The following SUFU variants were observed in gnomAD, a reference collection of about 807,000 sequenced individuals.
SUFU encodes SUFU negative regulator of hedgehog signaling.
A neutral mutation model predicts 58.9 loss-of-function variants in SUFU; 7 were observed. That is an observed-to-expected ratio of 0.12 (90% CI 0.07 to 0.22). The LOEUF is 0.22. Ranked by LOEUF, SUFU falls within the 10% of genes least tolerant of loss-of-function variation. The pLI, the probability that SUFU is intolerant of heterozygous loss-of-function variation, is 1.00. For missense variants in SUFU, 451 were observed against 641.3 expected (o/e 0.70, Z 3.20); for synonymous variants, 232 against 254.8 (o/e 0.91, Z 0.85).
At chr10:102,566,475 C>T (rs1359938009) in intron 3 of SUFU, among the ~76,000 whole-genome samples, 3 of 151,780 alleles carry the variant, frequency 2.0e-5, no homozygotes, top group Non-Finnish European at 2.9e-5. Flanking sequence ...ATTAAAAGTA[C>T]AAAAATTAGG....
rs983816890 is a variant in SUFU, at chr10:102,592,857, A to G, written c.597+133A>G. 1.3e-5 allele frequency: 13 copies of G among 1,037,094 alleles called. No individual in the cohort carries two copies. In the African/African-American group the frequency reaches 1.9e-4, roughly 15 times the overall value. The allele number at this position is 1,037,094 out of a possible 1,614,324, so 64.2% of individuals were successfully genotyped here. Reference sequence around the variant, plus strand: ...CTCGTCCTGATTTCTGTTTCCTCTGATGGTTTGTCAGGTAGATTCAGATGG... The same window carrying G: ...CTCGTCCTGATTTCTGTTTCCTCTGGTGGTTTGTCAGGTAGATTCAGATGG... On this transcript the variant is annotated intron_variant, in intron 4 of 11. Coordinates refer to ENST00000369902, the MANE Select transcript of SUFU (RefSeq NM_016169.4).
At chr10:102,620,434 A>C (rs557834848) in intron 10 of SUFU, among the ~76,000 whole-genome samples, 8 of 152,284 alleles carry the variant, frequency 5.3e-5, no homozygotes, top group African/African-American at 1.9e-4. Context: ...CAGACCCAGG[A>C]GAGTCAGGGC....
At position 102,617,603 on chromosome 10, in the gene SUFU, C is replaced by T. The variant is rs1270959016; in HGVS notation, c.1296+175C>T. 3 of 795,938 alleles carry T rather than the reference C, an allele frequency of 3.8e-6. No individual in the cohort carries two copies. The highest frequency in any genetic ancestry group is 6.1e-6 in the Non-Finnish European group (3 of 487,938). The allele number at this position is 795,938 out of a possible 1,614,324, so 49.3% of individuals were successfully genotyped here. A position where few individuals can be genotyped will look rare whatever the true frequency, so the allele number is the denominator to read the frequency against. On this transcript the variant is annotated intron_variant, in intron 10 of 11. Transcript: ENST00000369902. This position sits in a 1 kb window ranked among gnomAD's most constrained non-coding sequence, Gnocchi z 4.4. ...GGTATGGAGTGTGGATGCTGCTACC[C>T]ACTCCAGCAGCTTAGGAGCACTTCC... is the stretch of plus-strand genomic sequence containing the variant.
chr10:102,571,222 G>A (rs1254959646), intron 3 of SUFU, among the ~76,000 whole-genome samples: 1 of 152,194 alleles, frequency 6.6e-6, no homozygotes, highest in African/African-American at 2.4e-5. Flanking sequence ...CCTGATAGAA[G>A]AAAAATAGTC....
At position 102,568,893 on chromosome 10, in the gene SUFU, AAAAAATATAT is replaced by A. The variant is rs1231969330; in HGVS notation, c.454+18789_454+18798del. On this transcript the variant is annotated intron_variant, in intron 3 of 11. Coordinates refer to ENST00000369902, the MANE Select transcript of SUFU (RefSeq NM_016169.4). Reference sequence around the variant, plus strand: ...CTGTCTCAAAAAAAAAAAAAAAAAAAAAAAATATATATATATATATATATATACACATATA... The same window carrying A: ...CTGTCTCAAAAAAAAAAAAAAAAAAAATATATATATATATATACACATATA... Among the ~76,000 whole-genome samples the A allele has an allele frequency of 1.6e-3, 52 of 33,446 alleles. 3 individuals carry two copies. The highest frequency in any genetic ancestry group is 8.1e-3 in the African/African-American group (49 of 6,030). 21.9% of individuals were successfully genotyped at this position (33,446 alleles called of 152,430 possible).
chr10:102,503,514 AT>A (rs1374213865), upstream of SUFU, among the ~76,000 whole-genome samples: 2 of 152,006 alleles, frequency 1.3e-5, no homozygotes, highest in African/African-American at 4.8e-5. Flanking sequence ...AGCCCAGTGC[AT>A]TTTTTTCTCT....
At chr10:102,525,382 T>A (rs1344124553) in intron 2 of SUFU, among the ~76,000 whole-genome samples, 3 of 152,158 alleles carry the variant, frequency 2.0e-5, no homozygotes, top group Non-Finnish European at 4.4e-5. Context: ...AGTGCTGAGA[T>A]TATAAGCATG....
At chr10:102,520,732 T>C (rs1205273842) in intron 2 of SUFU, among the ~76,000 whole-genome samples, 1 of 152,254 alleles carries the variant, frequency 6.6e-6, no homozygotes, top group East Asian at 1.9e-4. Context: ...TATGTAACTT[T>C]TGCAGACTAG....
Position 102,526,188 on chromosome 10 carries a change from T to C in SUFU, c.317+16885T>C, listed in dbSNP as rs1304585295. 2.0e-5 allele frequency among the ~76,000 whole-genome samples: 3 copies of C among 152,200 alleles called. No homozygotes were observed. In the South Asian group the frequency reaches 6.2e-4, roughly 32 times the overall value. ...ACTCCTGTGCTGATCAGTAGTGGGA[T>C]TGTGCCTGTGAATAGCCACTGCACG... On this transcript the variant is annotated intron_variant, in intron 2 of 11. Transcript: ENST00000369902.
chr10:102,550,143 T>C lies in SUFU; in HGVS notation c.454+37T>C. On this transcript the variant is annotated intron_variant, in intron 3 of 11. Coordinates refer to ENST00000369902, the MANE Select transcript of SUFU (RefSeq NM_016169.4). ...GGGCTGGCTGCTGTGCTGGTCCTTTTGCCATGAGCCTGGTTGACTTTGAGT... is the reference window on the plus strand; with the variant it reads ...GGGCTGGCTGCTGTGCTGGTCCTTTCGCCATGAGCCTGGTTGACTTTGAGT... The C allele has an allele frequency of 1.9e-6, 3 of 1,613,892 alleles. No homozygotes were observed. The East Asian group carries it at 6.7e-5, about 36-fold the overall frequency.
chr10:102,558,345 C>T (rs1197095467), intron 3 of SUFU, among the ~76,000 whole-genome samples: 3 of 152,248 alleles, frequency 2.0e-5, no homozygotes, highest in East Asian at 1.9e-4. Context: ...TGAGTAGCTA[C>T]GACTACAGGT....
At chr10:102,524,455 A>G (rs2062587462) in intron 2 of SUFU, among the ~76,000 whole-genome samples, 1 of 149,544 alleles carries the variant, frequency 6.7e-6, no homozygotes, top group Admixed American at 6.8e-5. Flanking sequence ...CCTCCCAAGT[A>G]GCTGGGACTA....
At chr10:102,596,245 A>T (rs2063460532) in intron 6 of SUFU, among the ~76,000 whole-genome samples, 1 of 152,182 alleles carries the variant, frequency 6.6e-6, no homozygotes, top group South Asian at 2.1e-4. Context: ...GTACCTGTGG[A>T]GCCGGGAAGC....
In SUFU at chr10:102,600,626, G is replaced by A. The variant is rs147740736; in HGVS notation, c.1022+1082G>A. ...ACAGGATCTGGGGTAGTTAGGGAGGGCATCTTGGAGGAGGAAGAACATAGC... is the reference window on the plus strand; with the variant it reads ...ACAGGATCTGGGGTAGTTAGGGAGGACATCTTGGAGGAGGAAGAACATAGC... On this transcript the variant is annotated intron_variant, in intron 8 of 11. Transcript: ENST00000369902. 8.0e-3 allele frequency among the ~76,000 whole-genome samples: 1,219 copies of A among 152,300 alleles called. 19 individuals carry two copies. Among genetic ancestry groups the A allele is most frequent in the African/African-American group, 0.027 (1,119 of 41,558 alleles).
chr10:102,586,944 G>A, intron 3 of SUFU, among the ~76,000 whole-genome samples: 1 of 152,166 alleles, frequency 6.6e-6, no homozygotes, highest in Non-Finnish European at 1.5e-5. Flanking sequence ...TCATGTAAGT[G>A]AAATCATGCA....
At chr10:102,534,553 A>G (rs1481730701) in intron 2 of SUFU, among the ~76,000 whole-genome samples, 3 of 152,254 alleles carry the variant, frequency 2.0e-5, no homozygotes, top group Non-Finnish European at 2.9e-5. Context: ...GAGGTTTCCA[A>G]TGACGGCCTC....
chr10:102,509,606 CTG>C (rs2062375017), intron 2 of SUFU, among the ~76,000 whole-genome samples: 2 of 152,148 alleles, frequency 1.3e-5, no homozygotes, highest in Middle Eastern at 3.2e-3. Flanking sequence ...GCTGATGCCT[CTG>C]TGTCTACTTC....
intron 3 of SUFU, chr10:102,591,498 C>CA (rs35914362): frequency 0.021 from 2,499 of 119,292 alleles, 59 homozygotes; most frequent in South Asian, 0.13. Flanking sequence ...GACTCCATCT[C>CA]AAAAAAAAAA....
At chr10:102,613,839 A>G (rs1360514461) in intron 8 of SUFU, among the ~76,000 whole-genome samples, 1 of 152,224 alleles carries the variant, frequency 6.6e-6, no homozygotes, top group Non-Finnish European at 1.5e-5. Context: ...CGTGGGCCGC[A>G]CTTTTGGTGG....
Sources: gnomAD v4.1 joint callset for allele counts (sites outside exome capture counted in the v4.1 genomes callset) on GRCh38, gnomAD v4.1.1 for gene constraint, Gnocchi (gnomAD v3.1) non-coding constraint, MANE v1.5 for transcripts, NCBI Gene and HGNC (gene_info 2026-07-23, HGNC 2026-07-21) for gene names.